Variants in RTN4IP1 observed in about 807,000 individuals in gnomAD.
RTN4IP1 encodes the protein reticulon 4 interacting protein 1, also known as NAD(P)H oxidoreductase RTN4IP1, mitochondrial.
Under a neutral mutation model 46.6 loss-of-function variants are expected in RTN4IP1, and 32 were observed. The observed-to-expected ratio is 0.69, with a 90% CI of 0.52 to 0.92. The LOEUF is 0.92. RTN4IP1 is among the 40% of genes least tolerant of loss of function. RTN4IP1 has a pLI of 0.00. For synonymous variants in RTN4IP1, 167 were observed against 161.8 expected, an observed-to-expected ratio of 1.03 and a Z score of -0.24; for missense variants, 424 against 485.8, an observed-to-expected ratio of 0.87 and a Z score of 1.20.
At chr6:106,586,429 C>G (rs1231847306) in intron 7 of RTN4IP1, among the ~76,000 whole-genome samples, 6 of 151,716 alleles carry the variant, frequency 4.0e-5, no homozygotes, top group African/African-American at 9.7e-5. Context: ...GGCTGCAGTA[C>G]AGTGGCACGA....
intron 8 of RTN4IP1, among the ~76,000 whole-genome samples, chr6:106,577,766 G>A (rs1775265593): frequency 6.6e-6 from 1 of 152,054 alleles, no homozygotes; most frequent in Non-Finnish European, 1.5e-5. Flanking sequence ...GAAGGCAGGA[G>A]GGTTAGAGGT....
chr6:106,619,606 A>ATTTTTTTTTT (rs869120910), intron 3 of RTN4IP1, among the ~76,000 whole-genome samples: 1 of 110,474 alleles, frequency 9.1e-6, no homozygotes, highest in Non-Finnish European at 1.8e-5. Flanking sequence ...ACTTTTCTTC[A>ATTTTTTTTTT]TTTTTTTTTT....
At chr6:106,626,537 G>A (rs576864059) in intron 1 of RTN4IP1, among the ~76,000 whole-genome samples, 1 of 152,278 alleles carries the variant, frequency 6.6e-6, no homozygotes, top group Admixed American at 6.5e-5. Context: ...CTGCAGAAAG[G>A]TTTCAGTCCT....
chr6:106,573,780 A>G (rs1289557568), intron 8 of RTN4IP1, among the ~76,000 whole-genome samples: 1 of 152,150 alleles, frequency 6.6e-6, no homozygotes, highest in African/African-American at 2.4e-5. Context: ...TGCTGTCTAC[A>G]CCTACCCCTA....
intron 1 of RTN4IP1, among the ~76,000 whole-genome samples, chr6:106,626,781 CAG>C (rs1258563345): frequency 1.3e-5 from 2 of 152,156 alleles, no homozygotes; most frequent in African/African-American, 4.8e-5. Context: ...TTGACTTGTT[CAG>C]AGAGTTGGGC....
intron 6 of RTN4IP1, among the ~76,000 whole-genome samples, chr6:106,589,362 T>TA (rs1312676803): frequency 1.7e-4 from 25 of 150,210 alleles, no homozygotes; most frequent in African/African-American, 6.1e-4. Flanking sequence ...AAAAGGCAAT[T>TA]AAAATCTAAG....
intron 8 of RTN4IP1, among the ~76,000 whole-genome samples, chr6:106,575,461 T>C (rs1465721051): frequency 6.6e-6 from 1 of 152,248 alleles, no homozygotes; most frequent in Admixed American, 6.5e-5. Context: ...CCTCTCTGGA[T>C]GTGGCCTTGG....
intron 2 of RTN4IP1, among the ~76,000 whole-genome samples, chr6:106,622,576 G>A (rs6925512): frequency 0.071 from 10,846 of 152,242 alleles, 970 homozygotes; most frequent in African/African-American, 0.19. Context: ...CAGAGGCAGG[G>A]CACGGTCGGC....
rs1244212524 is a variant in RTN4IP1 at position 106,607,873 on chromosome 6, A to C, written c.621-4951T>G. The C allele has an allele frequency of 2.0e-5, 3 of 152,198 alleles. No homozygotes were observed. In the East Asian group the frequency reaches 5.8e-4, roughly 29 times the overall value. 9.4% of individuals were successfully genotyped at this position (152,198 alleles called of 1,614,324 possible). A position where few individuals can be genotyped will look rare whatever the true frequency, so the allele number is the denominator to read the frequency against. On this transcript the variant is annotated intron_variant, in intron 4 of 8. Transcript: ENST00000369063. ...AAGATGCAGAGAAAAGGGGACTCTT[A>C]TACACCTTTGGTGGGAATATAAGTT...
chr6:106,592,068 T>C (rs1002149008), intron 6 of RTN4IP1, 96 bp downstream of exon 6: 12 of 1,279,520 alleles, frequency 9.4e-6, no homozygotes, highest in Non-Finnish European at 1.3e-5. Flanking sequence ...CTTCTCAAGA[T>C]TCCAACATGA....
At chr6:106,579,471 A>G (rs1260387574) in intron 8 of RTN4IP1, among the ~76,000 whole-genome samples, 1 of 152,190 alleles carries the variant, frequency 6.6e-6, no homozygotes, top group Non-Finnish European at 1.5e-5. Context: ...CTAAGACTGG[A>G]TCTCCAGGAA....
At position 106,602,855 on chromosome 6, in the gene RTN4IP1, GATTAAAAA is replaced by G; in HGVS notation, c.669+11_669+18del. ...GCAAACAAAATCCTCCTATTCACAA[GATTAAAAA>G]ATGGTTTTACCTGTATAGCAAAAGT... is the stretch of plus-strand genomic sequence containing the variant. On this transcript the variant is annotated intron_variant, in intron 5 of 8. Transcript: ENST00000369063. 2.6e-6 allele frequency: 4 copies of G among 1,554,090 alleles called. No homozygotes were observed. The highest frequency in any genetic ancestry group is 3.5e-6 in the Non-Finnish European group (4 of 1,144,876).
intron 4 of RTN4IP1, among the ~76,000 whole-genome samples, chr6:106,605,243 G>A (rs1189772221): frequency 6.6e-6 from 1 of 151,882 alleles, no homozygotes; most frequent in Non-Finnish European, 1.5e-5. Flanking sequence ...AGAACATCCT[G>A]GCCAACATAG....
At chr6:106,580,593 C>G (rs963366515) in intron 8 of RTN4IP1, among the ~76,000 whole-genome samples, 1 of 151,808 alleles carries the variant, frequency 6.6e-6, no homozygotes, top group Non-Finnish European at 1.5e-5. Flanking sequence ...GTGGTGGGCA[C>G]CTGTAATCCC....
chr6:106,588,835 G>A (rs1775549597), intron 6 of RTN4IP1, among the ~76,000 whole-genome samples: 1 of 152,036 alleles, frequency 6.6e-6, no homozygotes, highest in Admixed American at 6.6e-5. Context: ...GCAAGGCCGG[G>A]TGCAGTGGCT....
rs1389402680 is a variant in RTN4IP1, at chr6:106,570,810, G to A, written c.*1186C>T. On this transcript the variant is annotated 3_prime_UTR_variant, in exon 9 of 9. Coordinates refer to ENST00000369063, the MANE Select transcript of RTN4IP1 (RefSeq NM_032730.5). ...GTAAGACCAGACCAACAATTTTAGA[G>A]AAAAGCCTACATCTAACATACATGC... 3 of 152,028 alleles carry A rather than the reference G, an allele frequency of 2.0e-5. No homozygotes were observed. The highest frequency in any genetic ancestry group is 7.2e-5 in the African/African-American group (3 of 41,384). 9.4% of individuals were successfully genotyped at this position (152,028 alleles called of 1,614,324 possible). A position where few individuals can be genotyped will look rare whatever the true frequency, so the allele number is the denominator to read the frequency against.
intron 4 of RTN4IP1, among the ~76,000 whole-genome samples, chr6:106,613,561 T>C (rs1463564335): frequency 6.6e-6 from 1 of 152,222 alleles, no homozygotes; most frequent in Non-Finnish European, 1.5e-5. Context: ...TTTAGGCTTA[T>C]TCACTACACA....
chr6:106,604,697 T>C (rs1388087361), intron 4 of RTN4IP1, among the ~76,000 whole-genome samples: 5 of 152,186 alleles, frequency 3.3e-5, no homozygotes, highest in African/African-American at 1.2e-4. Flanking sequence ...CCTAGGCTAC[T>C]GTCTGTTCTT....
chr6:106,594,342 T>A (rs1487054923), intron 5 of RTN4IP1, among the ~76,000 whole-genome samples: 1 of 152,000 alleles, frequency 6.6e-6, no homozygotes, highest in Non-Finnish European at 1.5e-5. Context: ...ACCCCGTCTC[T>A]ACTAAAAATA....
Sources: gnomAD v4.1 joint callset for allele counts (sites outside exome capture counted in the v4.1 genomes callset) on GRCh38, gnomAD v4.1.1 for gene constraint, MANE v1.5 for transcripts, NCBI Gene and HGNC (gene_info 2026-07-23, HGNC 2026-07-21) for gene names.